NIBAN1: variants seen among roughly 807,000 people sequenced by gnomAD.
The protein encoded by NIBAN1 is protein Niban 1.
In NIBAN1, 81 loss-of-function variants were observed where a neutral mutation model predicts 75.1. The ratio of observed to expected loss-of-function variants is 1.08; its 90% CI spans 0.90 to 1.30. The LOEUF is 1.30. NIBAN1 is among the 50% of genes most tolerant of loss of function. The pLI is 0.00. For missense variants in NIBAN1, 1,133 were observed against 1,128.1 expected (o/e 1.00, Z -0.06); for synonymous variants, 436 against 424.8 (o/e 1.03, Z -0.32).
chr1:184,823,355 C>T, intron 7 of NIBAN1, 26 bp from the exon 8 acceptor site: 2 of 1,612,760 alleles, frequency 1.2e-6, no homozygotes, highest in South Asian at 2.2e-5. Flanking sequence ...ACACATAAAT[C>T]AGGGCTCTGT....
chr1:184,945,382 G>T (rs1248081685), intron 1 of NIBAN1, among the ~76,000 whole-genome samples: 1 of 152,166 alleles, frequency 6.6e-6, no homozygotes, highest in Non-Finnish European at 1.5e-5. Flanking sequence ...TTTTGATAAA[G>T]AGTTTCTAAA....
At chr1:184,945,659 AT>A (rs1175729248) in intron 1 of NIBAN1, among the ~76,000 whole-genome samples, 1 of 152,186 alleles carries the variant, frequency 6.6e-6, no homozygotes, top group African/African-American at 2.4e-5. Flanking sequence ...TCTTTTAATG[AT>A]TTGCTACTTT....
intron 9 of NIBAN1, among the ~76,000 whole-genome samples, chr1:184,809,541 T>C (rs1654305722): frequency 6.6e-6 from 1 of 151,994 alleles, no homozygotes; most frequent in Non-Finnish European, 1.5e-5. Context: ...AAATGTACTT[T>C]CAACCTGGCT....
chr1:184,973,455 A>C (rs919037567), intron 1 of NIBAN1, among the ~76,000 whole-genome samples: 2 of 150,998 alleles, frequency 1.3e-5, no homozygotes, highest in Non-Finnish European at 2.9e-5. Flanking sequence ...GGGGAAAGAC[A>C]GTAAATTGGT....
At chr1:184,932,187 G>A (rs1320872614) in intron 1 of NIBAN1, among the ~76,000 whole-genome samples, 1 of 152,108 alleles carries the variant, frequency 6.6e-6, no homozygotes, top group Admixed American at 6.5e-5. Context: ...CCAGGGTTGG[G>A]GTGGCAGATG....
chr1:184,804,614 A>C (rs1364592410), intron 11 of NIBAN1, among the ~76,000 whole-genome samples: 1 of 152,144 alleles, frequency 6.6e-6, no homozygotes, highest in Non-Finnish European at 1.5e-5. Flanking sequence ...AGGCACTCAA[A>C]ATCTCTTTGA....
At chr1:184,924,126 T>C (rs549509187) in intron 1 of NIBAN1, among the ~76,000 whole-genome samples, 199 of 152,294 alleles carry the variant, frequency 1.3e-3, no homozygotes, top group African/African-American at 4.4e-3. Context: ...GTAACAGTTA[T>C]GAAGTGGGTG....
chr1:184,863,412 T>A (rs1471992091), intron 5 of NIBAN1, among the ~76,000 whole-genome samples: 1 of 152,254 alleles, frequency 6.6e-6, no homozygotes, highest in Non-Finnish European at 1.5e-5. Context: ...ATGTAATAGA[T>A]GCCACCTGGG....
chr1:184,932,877 T>A (rs1391248527), intron 1 of NIBAN1, among the ~76,000 whole-genome samples: 1 of 152,182 alleles, frequency 6.6e-6, no homozygotes, highest in Non-Finnish European at 1.5e-5. Flanking sequence ...GTAGAAAAAC[T>A]ATCTGTTTAT....
intron 8 of NIBAN1, among the ~76,000 whole-genome samples, chr1:184,822,323 G>C (rs964005297): frequency 1.3e-5 from 2 of 152,160 alleles, no homozygotes; most frequent in African/African-American, 4.8e-5. Flanking sequence ...AAGGTCTCTT[G>C]TATGGGAATA....
chr1:184,915,201 C>T (rs959479262), intron 1 of NIBAN1, among the ~76,000 whole-genome samples: 1 of 152,168 alleles, frequency 6.6e-6, no homozygotes, highest in African/African-American at 2.4e-5. Flanking sequence ...GTAGAAAATT[C>T]CATTCCCTAC....
In NIBAN1 at chr1:184,833,511, G is replaced by A. The variant is rs551696114; in HGVS notation, c.602-1549C>T. 4.6e-5 allele frequency among the ~76,000 whole-genome samples: 7 copies of A among 151,886 alleles called. No homozygotes were observed. In the South Asian group the frequency reaches 6.2e-4, roughly 14 times the overall value. ...TCACTTGATGATAGGAGTTCAAGAC[G>A]AGCCTGGGCAACATAGTGAGACCAC... On this transcript the variant is annotated intron_variant, in intron 5 of 13. Transcript: ENST00000367511.
In NIBAN1 at chr1:184,861,516, G is replaced by T. The variant is rs976411902; in HGVS notation, c.601+23117C>A. ...GGACAAGAGGAAAGAAGACAGGAAG[G>T]GGGGAAGAGGAGGGAGGAAGGGAGG... On this transcript the variant is annotated intron_variant, in intron 5 of 13. Transcript: ENST00000367511. Among the ~76,000 whole-genome samples, 3 of 151,562 alleles carry T rather than the reference G, an allele frequency of 2.0e-5. No homozygotes were observed. In the East Asian group the frequency reaches 5.8e-4, roughly 29 times the overall value.
chr1:184,904,989 C>T (rs1484395610), intron 1 of NIBAN1, among the ~76,000 whole-genome samples: 1 of 152,010 alleles, frequency 6.6e-6, no homozygotes, highest in Admixed American at 6.6e-5. Context: ...AGCATCACAG[C>T]AGAGACAGAG....
At chr1:184,811,653 C>T (rs1421787255) in intron 9 of NIBAN1, among the ~76,000 whole-genome samples, 5 of 151,794 alleles carry the variant, frequency 3.3e-5, no homozygotes, top group Non-Finnish European at 7.4e-5. Context: ...CCACCACGCC[C>T]GGCTAATTTT....
intron 1 of NIBAN1, among the ~76,000 whole-genome samples, chr1:184,920,985 C>T (rs185061580): frequency 1.8e-3 from 270 of 152,040 alleles, no homozygotes; most frequent in Middle Eastern, 3.4e-3. Flanking sequence ...CAAAATTAGC[C>T]GGGTGTGGTG....
At chr1:184,888,410 T>A (rs755410057) in intron 4 of NIBAN1, among the ~76,000 whole-genome samples, 1 of 152,194 alleles carries the variant, frequency 6.6e-6, no homozygotes, top group Non-Finnish European at 1.5e-5. Flanking sequence ...AAAGCAACAT[T>A]GATCCTTTGC....
Position 184,793,413 on chromosome 1 carries a change from G to A in NIBAN1, c.*1564C>T, listed in dbSNP as rs1177671807. ...TCTACCAAAAATACAAAAATTAGCCGGGAATGGTGCCGCATGGCTGTAATT... is the reference window on the plus strand; with the variant it reads ...TCTACCAAAAATACAAAAATTAGCCAGGAATGGTGCCGCATGGCTGTAATT... On this transcript the variant is annotated 3_prime_UTR_variant, in exon 14 of 14. Coordinates refer to ENST00000367511, the MANE Select transcript of NIBAN1 (RefSeq NM_052966.4). The A allele has an allele frequency of 1.3e-5, 2 of 152,048 alleles. No individual in the cohort carries two copies. The highest frequency in any genetic ancestry group is 2.9e-5 in the Non-Finnish European group (2 of 68,028). The allele number at this position is 152,048 out of a possible 1,614,324, so 9.4% of individuals were successfully genotyped here. A position where few individuals can be genotyped will look rare whatever the true frequency, so the allele number is the denominator to read the frequency against.
At position 184,884,751 on chromosome 1, in the gene NIBAN1, T is replaced by A. The variant is rs1413068285; in HGVS notation, c.483A>T (p.Glu161Asp). ...AGGGCTGCCACAGGTACACTGGGAATTCCTTGGGCAGGACCACAAAGGGCT... is the reference window on the plus strand; with the variant it reads ...AGGGCTGCCACAGGTACACTGGGAAATCCTTGGGCAGGACCACAAAGGGCT... Reference protein sequence around the residue: ...NTQPFVVLPKEFPVYLWQPFF... With the variant: ...NTQPFVVLPKDFPVYLWQPFF... The change falls in exon 5 of 14, where the codon GAA becomes GAT. Residue 161 changes from glutamate (E) to aspartate (D), a missense_variant. Transcript: ENST00000367511. 11 of 1,614,188 alleles carry A rather than the reference T, an allele frequency of 6.8e-6. No homozygotes were observed. Among genetic ancestry groups the A allele is most frequent in the Non-Finnish European group, 9.3e-6 (11 of 1,179,994 alleles).
Sources: gnomAD v4.1 joint callset for allele counts (sites outside exome capture counted in the v4.1 genomes callset) on GRCh38, gnomAD v4.1.1 for gene constraint, MANE v1.5 for transcripts, NCBI Gene and HGNC (gene_info 2026-07-23, HGNC 2026-07-21) for gene names.